ZMIZ2: variants seen among roughly 807,000 people sequenced by gnomAD.
The protein encoded by ZMIZ2 is zinc finger MIZ domain-containing protein 2.
In ZMIZ2, 26 loss-of-function variants were observed where a neutral mutation model predicts 93.9. The ratio of observed to expected loss-of-function variants is 0.28; its 90% CI spans 0.20 to 0.38. The LOEUF (loss-of-function observed/expected upper bound fraction) is 0.38, where lower values mean the gene tolerates loss of function less well. Among genes scored for constraint, ZMIZ2 ranks in the 10% least tolerant of loss-of-function variants. The pLI is 1.00. For missense variants in ZMIZ2, 1,023 were observed against 1,235.0 expected, an observed-to-expected ratio of 0.83 and a Z score of 2.57; for synonymous variants, 485 against 516.4, an observed-to-expected ratio of 0.94 and a Z score of 0.82.
chr7:44,755,752 G>T (rs2116684027), intron 1 of ZMIZ2, among the ~76,000 whole-genome samples: 1 of 152,286 alleles, frequency 6.6e-6, no homozygotes, highest in African/African-American at 2.4e-5. Flanking sequence ...CACCTCCACT[G>T]CCCTCTGTCC....
intron 8 of ZMIZ2, 87 bp from the exon 9 acceptor site, chr7:44,760,338 C>G: frequency 6.3e-7 from 1 of 1,576,414 alleles, no homozygotes; most frequent in Non-Finnish European, 8.6e-7. Flanking sequence ...CCTCTGTTAT[C>G]ATGGTTCCCA....
intron 9 of ZMIZ2, 137 bp downstream of exon 9, chr7:44,760,730 T>G: frequency 1.2e-4 from 139 of 1,132,858 alleles, no homozygotes; most frequent in Non-Finnish European, 1.6e-4. Flanking sequence ...GGGCTGGGTG[T>G]GGTGGCTCAC....
rs750391307 is a variant in ZMIZ2 at position 44,765,536 on chromosome 7, G to T, written c.2199G>T (p.Leu733=). ...LGPGAAPFAP[L]QPPSVPAPSD... Reference sequence around the variant, plus strand: ...CCGGCGCTGCCCCCTTTGCCCCCCTGCAGCCCCCCTCAGTCCCTGCCCCCA... The same window carrying T: ...CCGGCGCTGCCCCCTTTGCCCCCCTTCAGCCCCCCTCAGTCCCTGCCCCCA... Residue 733 remains leucine, a synonymous_variant, in exon 16 of 19, where the codon CTG becomes CTT. Coordinates refer to ENST00000309315, the MANE Select transcript of ZMIZ2 (RefSeq NM_031449.4). The surrounding 1 kb of genome is among the most constrained non-coding windows in gnomAD (Gnocchi z 4.1). The T allele has an allele frequency of 1.3e-6, 2 of 1,534,392 alleles. No individual in the cohort carries two copies. The highest frequency in any genetic ancestry group is 1.7e-6 in the Non-Finnish European group (2 of 1,155,810).
In ZMIZ2 at chr7:44,763,429, A is replaced by T; in HGVS notation, c.1860+16A>T. ...CCACATACAGGTAGGTGGTTACTGCAGAGTCTTGCCGGAATTTGCTGCTGC... is the reference window on the plus strand; with the variant it reads ...CCACATACAGGTAGGTGGTTACTGCTGAGTCTTGCCGGAATTTGCTGCTGC... On this transcript the variant is annotated intron_variant, in intron 13 of 18. Coordinates refer to ENST00000309315, the MANE Select transcript of ZMIZ2 (RefSeq NM_031449.4). This position sits in a 1 kb window ranked among gnomAD's most constrained non-coding sequence, Gnocchi z 5.6. 1 of 1,613,074 alleles carries T rather than the reference A, an allele frequency of 6.2e-7. No homozygotes were observed. Among genetic ancestry groups the T allele is most frequent in the Non-Finnish European group, 8.5e-7 (1 of 1,179,342 alleles).
rs371185257 is a variant in ZMIZ2, at chr7:44,757,510, C to T, written c.501C>T (p.Thr167=). 3.4e-3 allele frequency: 5,465 copies of T among 1,607,604 alleles called. 14 individuals are homozygous for T. The highest frequency in any genetic ancestry group is 4.2e-3 in the Non-Finnish European group (4,941 of 1,178,646). Residue 167 remains threonine, a synonymous_variant, in exon 5 of 19, where the codon ACC becomes ACT. Coordinates refer to ENST00000309315, the MANE Select transcript of ZMIZ2 (RefSeq NM_031449.4). ...AATATATATA[T]VAALQEKQSQ... ...CTGCCACCGCCACAGCCACAGCCAC[C>T]GTGGCTGCTCTCCAGGAGAAGCAGA...
rs1265058455 is a variant in ZMIZ2 at position 44,760,429 on chromosome 7, C to T, written c.1076C>T (p.Thr359Ile). 8 of 1,613,980 alleles carry T rather than the reference C, an allele frequency of 5.0e-6. No individual in the cohort carries two copies. The highest frequency in any genetic ancestry group is 6.8e-6 in the Non-Finnish European group (8 of 1,179,928). The change falls in exon 9 of 19, where the codon ACC becomes ATC. Residue 359 changes from threonine to isoleucine, a missense_variant. By Grantham distance (89) the Thr-to-Ile change is moderately conservative. This residue lies in a region of ZMIZ2 where 656 missense variants were observed against 777.1 expected (regional missense o/e 0.84). Transcript: ENST00000309315. ...SYSQPGLSGPTRSIPGYPSSP... is the reference protein window; with the variant it reads ...SYSQPGLSGPIRSIPGYPSSP... The stretch of plus-strand genomic sequence containing the variant: ...TGTTTGTGCTCAACCCTACAGCCTA[C>T]CCGTTCCATCCCGGGCTATCCCAGT...
intron 13 of ZMIZ2, 122 bp from the exon 14 acceptor site, chr7:44,764,297 A>G (rs1791479461): frequency 1.1e-6 from 1 of 872,128 alleles, no homozygotes; most frequent in Non-Finnish European, 1.8e-6. Context: ...AACCTGGTAC[A>G]TGCAGTATCT....
intron 11 of ZMIZ2, among the ~76,000 whole-genome samples, chr7:44,762,180 T>TGG (rs1478970839): frequency 6.6e-6 from 1 of 152,280 alleles, no homozygotes; most frequent in Non-Finnish European, 1.5e-5. Flanking sequence ...AAAAATGCGT[T>TGG]GCTTCTCTTT....
chr7:44,762,804 C>T (rs1791338205), intron 11 of ZMIZ2, 77 bp from the exon 12 acceptor site: 9 of 1,289,996 alleles, frequency 7.0e-6, no homozygotes, highest in Admixed American at 6.5e-5. Flanking sequence ...GACACACAAC[C>T]CCCAGCACAC....
chr7:44,755,368 T>C (rs1179029872), intron 1 of ZMIZ2, among the ~76,000 whole-genome samples: 1 of 152,146 alleles, frequency 6.6e-6, no homozygotes, highest in Non-Finnish European at 1.5e-5. Flanking sequence ...GGGGGTGTCA[T>C]GGATGGGCCA....
chr7:44,764,348 A>G, intron 13 of ZMIZ2, 71 bp from the exon 14 acceptor site: 1 of 1,452,994 alleles, frequency 6.9e-7, no homozygotes, highest in Non-Finnish European at 9.6e-7. Flanking sequence ...CTGAAAAGGG[A>G]TTGCAGAGTG....
chr7:44,762,779 C>T lies in ZMIZ2; in HGVS notation c.1597-102C>T, dbSNP rs536684405. On this transcript the variant is annotated intron_variant, in intron 11 of 18. Coordinates refer to ENST00000309315, the MANE Select transcript of ZMIZ2 (RefSeq NM_031449.4). ...CCTGCCCTCAGCCTTGTCCCTCCCC[C>T]ACCTGGCAGCCCCTGACACACAACC... The T allele has an allele frequency of 1.4e-4, 110 of 802,236 alleles. 2 individuals carry two copies. In the African/African-American group the frequency reaches 1.5e-3, roughly 11 times the overall value. 49.7% of individuals were successfully genotyped at this position (802,236 alleles called of 1,614,324 possible).
At chr7:44,764,882 C>G in intron 14 of ZMIZ2, 59 bp from the exon 15 acceptor site, 3 of 1,579,484 alleles carry the variant, frequency 1.9e-6, no homozygotes. Flanking sequence ...ATGACAGGGC[C>G]TGTGCCCAGG....
chr7:44,757,372 C>T lies in ZMIZ2; in HGVS notation c.369-6C>T, dbSNP rs1446044971. The T allele has an allele frequency of 1.9e-6, 3 of 1,598,384 alleles. No homozygotes were observed. Among genetic ancestry groups the T allele is most frequent in the African/African-American group, 2.7e-5 (2 of 74,824 alleles). The stretch of plus-strand genomic sequence containing the variant: ...AGAGAGCGTGGCAATCCTGTGTCTC[C>T]TGCAGGTATGCAGGCGGCCCGGGGG... On this transcript the variant is annotated splice_region_variant and splice_polypyrimidine_tract_variant and intron_variant, in intron 4 of 18. Coordinates refer to ENST00000309315, the MANE Select transcript of ZMIZ2 (RefSeq NM_031449.4).
intron 6 of ZMIZ2, among the ~76,000 whole-genome samples, chr7:44,759,026 G>A (rs1790882369): frequency 6.7e-6 from 1 of 149,006 alleles, no homozygotes; most frequent in Non-Finnish European, 1.5e-5. Context: ...AGGCTGCAGT[G>A]AGCCAAGATT....
intron 1 of ZMIZ2, chr7:44,751,097 C>T (rs1298864733): frequency 6.6e-6 from 1 of 152,246 alleles, no homozygotes; most frequent in East Asian, 1.9e-4. Flanking sequence ...GAAGAGTAAG[C>T]TCAGAGGGAA....
rs1429918239 is a variant in ZMIZ2, at chr7:44,765,435, C to T, written c.2098C>T (p.Leu700=). The stretch of plus-strand genomic sequence containing the variant: ...CAAGGAGGAGCCGGATGGGCCAGCA[C>T]TGAAGCGCTGCCGCACCGTGAGCCC... ...HIKEEPDGPA[L]KRCRTVSPAH... The change falls in exon 16 of 19, where the codon CTG becomes TTG. Residue 700 remains leucine, a synonymous_variant. Coordinates refer to ENST00000309315, the MANE Select transcript of ZMIZ2 (RefSeq NM_031449.4). This position sits in a 1 kb window ranked among gnomAD's most constrained non-coding sequence, Gnocchi z 4.1. The T allele has an allele frequency of 2.5e-6, 4 of 1,609,740 alleles. No homozygotes were observed. The highest frequency in any genetic ancestry group is 2.7e-5 in the African/African-American group (2 of 74,918).
rs747570276 is a variant in ZMIZ2, at chr7:44,760,219, C to T, written c.1062C>T (p.Gly354=). ...NGGSVSYSQP[G]LSGPTRSIPG... is the part of the protein sequence containing the mutation. ...GCAGCGTCAGCTACAGCCAACCTGG[C>T]CTGAGTGGGGTAGGGGGCCTGGCCG... Residue 354 remains glycine (G), a synonymous_variant, in exon 8 of 19, where the codon GGC becomes GGT. Coordinates refer to ENST00000309315, the MANE Select transcript of ZMIZ2 (RefSeq NM_031449.4). The T allele has an allele frequency of 6.2e-7, 1 of 1,612,426 alleles. No individual in the cohort carries two copies. The highest frequency in any genetic ancestry group is 1.1e-5 in the South Asian group (1 of 90,922).
chr7:44,756,078 G>A (rs1350257185), intron 1 of ZMIZ2, 110 bp from the exon 2 acceptor site: 2 of 811,386 alleles, frequency 2.5e-6, no homozygotes, highest in Non-Finnish European at 4.0e-6. Flanking sequence ...GAGCCCAGGG[G>A]TCCCTTATTG....
Sources: allele counts gnomAD v4.1 joint callset (sites outside exome capture counted in the v4.1 genomes callset), GRCh38; gene constraint gnomAD v4.1.1; regional missense constraint gnomAD v4.1.1; non-coding constraint Gnocchi (gnomAD v3.1); transcripts MANE v1.5; gene names NCBI Gene and HGNC (gene_info 2026-07-23, HGNC 2026-07-21).